Variants in AKAP19 observed in about 807,000 individuals in gnomAD.
The protein encoded by AKAP19 is small A-kinase anchoring protein.
chr2:189,939,562 G>A, the AKAP19 span, among the ~76,000 whole-genome samples: 2 of 152,114 alleles, frequency 1.3e-5, no homozygotes, highest in South Asian at 4.1e-4. Flanking sequence ...CTCCTCTAAT[G>A]GATAAGGCAA....
At chr2:189,905,047 T>G in the AKAP19 span, among the ~76,000 whole-genome samples, 1 of 151,984 alleles carries the variant, frequency 6.6e-6, no homozygotes, top group Non-Finnish European at 1.5e-5. Context: ...GATTCTAAAA[T>G]TCTATATTCA....
At chr2:189,975,675 C>G in the AKAP19 span, among the ~76,000 whole-genome samples, 1 of 152,212 alleles carries the variant, frequency 6.6e-6, no homozygotes, top group Admixed American at 6.5e-5. Flanking sequence ...AAGCTTTGTT[C>G]ATTTCTTTTT....
chr2:190,054,142 A>G, the AKAP19 span, among the ~76,000 whole-genome samples: 7 of 152,134 alleles, frequency 4.6e-5, no homozygotes, highest in South Asian at 1.5e-3. Flanking sequence ...TTGTAACTCT[A>G]GGACCATATA....
the AKAP19 span, among the ~76,000 whole-genome samples, chr2:189,899,552 G>T: frequency 1.3e-5 from 2 of 151,804 alleles, no homozygotes; most frequent in Non-Finnish European, 2.9e-5. Context: ...TCTCCTTGAG[G>T]ATCTTTGTCA....
chr2:190,093,506 CATT>C, the AKAP19 span, among the ~76,000 whole-genome samples: 3 of 151,862 alleles, frequency 2.0e-5, no homozygotes, highest in African/African-American at 4.8e-5. Flanking sequence ...AGAAAATAAA[CATT>C]GTTGGGTGAC....
At chr2:190,052,861 C>G in the AKAP19 span, among the ~76,000 whole-genome samples, 2 of 152,100 alleles carry the variant, frequency 1.3e-5, no homozygotes, top group African/African-American at 2.4e-5. Flanking sequence ...TTCAACAGAT[C>G]TCATTAGGAT....
the AKAP19 span, chr2:189,923,206 G>A: frequency 3.6e-6 from 3 of 830,576 alleles, no homozygotes; most frequent in South Asian, 1.7e-5. Context: ...AGCGGTTGCG[G>A]CCGCGTTGCC....
the AKAP19 span, among the ~76,000 whole-genome samples, chr2:189,919,919 G>A: frequency 6.6e-6 from 1 of 151,854 alleles, no homozygotes; most frequent in African/African-American, 2.4e-5. Context: ...TCCCTTTCAG[G>A]GCTTTGATAT....
At chr2:189,918,457 A>G in the AKAP19 span, among the ~76,000 whole-genome samples, 59 of 152,258 alleles carry the variant, frequency 3.9e-4, no homozygotes, top group Non-Finnish European at 7.6e-4. Flanking sequence ...ACTCAATTAT[A>G]TTGACTAGAT....
chr2:190,130,097 G>C, the AKAP19 span, among the ~76,000 whole-genome samples: 1 of 152,006 alleles, frequency 6.6e-6, no homozygotes, highest in East Asian at 1.9e-4. Context: ...CTGAAACCAG[G>C]GCAGGCTAAG....
chr2:190,139,691 C>T, the AKAP19 span, among the ~76,000 whole-genome samples: 4 of 152,124 alleles, frequency 2.6e-5, no homozygotes, highest in Non-Finnish European at 4.4e-5. Context: ...GGGTAACTAC[C>T]TCCATGATTC....
At chr2:190,078,371 T>C in the AKAP19 span, among the ~76,000 whole-genome samples, 1 of 152,188 alleles carries the variant, frequency 6.6e-6, no homozygotes, top group East Asian at 1.9e-4. Flanking sequence ...GTAAATATAC[T>C]ACCTGGTTAC....
At chr2:190,004,427 AC>A in the AKAP19 span, among the ~76,000 whole-genome samples, 1 of 152,090 alleles carries the variant, frequency 6.6e-6, no homozygotes, top group Non-Finnish European at 1.5e-5. Context: ...TCTTACAGTG[AC>A]CCGTAGGGCC....
At chr2:190,190,096 A>G in the AKAP19 span, 1 of 152,254 alleles carries the variant, frequency 6.6e-6, no homozygotes, top group African/African-American at 2.4e-5. Flanking sequence ...TTACAGTGAA[A>G]TACAGTAAAC....
the AKAP19 span, among the ~76,000 whole-genome samples, chr2:189,960,977 C>G: frequency 6.6e-6 from 1 of 152,224 alleles, no homozygotes. Flanking sequence ...GCTTCACACT[C>G]TAGCCTATAC....
At chr2:190,157,393 C>CACACACACACACAT in the AKAP19 span, among the ~76,000 whole-genome samples, 36,898 of 148,212 alleles carry the variant, frequency 0.25, 5,742 homozygotes, top group East Asian at 0.42. Flanking sequence ...CACACACACA[C>CACACACACACACAT]ATATCACAGG....
the AKAP19 span, among the ~76,000 whole-genome samples, chr2:189,949,822 G>T: frequency 6.6e-6 from 1 of 150,922 alleles, no homozygotes; most frequent in South Asian, 2.1e-4. Context: ...AGTAGAGATG[G>T]GGTTTCACCA....
chr2:190,087,970 G>A, the AKAP19 span, among the ~76,000 whole-genome samples: 2 of 151,860 alleles, frequency 1.3e-5, no homozygotes, highest in African/African-American at 2.4e-5. Flanking sequence ...AAAAAATTCC[G>A]GACACACACA....
At chr2:190,119,357 G>A in the AKAP19 span, among the ~76,000 whole-genome samples, 2 of 152,230 alleles carry the variant, frequency 1.3e-5, no homozygotes, top group African/African-American at 4.8e-5. Context: ...AGGAGGCGGT[G>A]TCTGATTTGC....
Sources: allele counts gnomAD v4.1 joint callset (sites outside exome capture counted in the v4.1 genomes callset), GRCh38; gene constraint gnomAD v4.1.1; transcripts MANE v1.5; gene names NCBI Gene and HGNC (gene_info 2026-07-23, HGNC 2026-07-21).